The following DIS3L2 variants were observed in gnomAD, a reference collection of about 807,000 sequenced individuals.
DIS3L2 encodes DIS3 like 3'-5' exoribonuclease 2.
DIS3L2 carries 34 observed loss-of-function variants against 97.5 expected under a neutral mutation model. The observed-to-expected ratio is 0.35, with a 90% CI of 0.27 to 0.46. The LOEUF (loss-of-function observed/expected upper bound fraction) is 0.46. DIS3L2 is among the 20% of genes least tolerant of loss of function. DIS3L2 has a pLI of 1.00. For synonymous variants in DIS3L2, 435 were observed against 445.2 expected (o/e 0.98, Z 0.29); for missense variants, 1,038 against 1,146.0 (o/e 0.91, Z 1.36).
At chr2:231,990,935 A>G (rs879704792) in intron 1 of DIS3L2, among the ~76,000 whole-genome samples, 23 of 152,178 alleles carry the variant, frequency 1.5e-4, no homozygotes, top group Admixed American at 1.5e-3. Flanking sequence ...AGAGAATTTC[A>G]GAAGCGAGAG....
intron 4 of DIS3L2, among the ~76,000 whole-genome samples, chr2:232,025,420 T>G (rs1694629801): frequency 6.6e-6 from 1 of 152,158 alleles, no homozygotes; most frequent in Non-Finnish European, 1.5e-5. Context: ...ATTCTCAAGC[T>G]CAGTTTAGTC....
At chr2:232,229,467 TG>T (rs1202702597) in intron 10 of DIS3L2, among the ~76,000 whole-genome samples, 1 of 152,244 alleles carries the variant, frequency 6.6e-6, no homozygotes, top group African/African-American at 2.4e-5. Flanking sequence ...GCCTGTGCTC[TG>T]TCCCAGGCTT....
intron 9 of DIS3L2, among the ~76,000 whole-genome samples, chr2:232,183,710 G>C (rs1234191424): frequency 2.0e-5 from 3 of 152,188 alleles, no homozygotes; most frequent in Non-Finnish European, 2.9e-5. Flanking sequence ...CACCATCTCA[G>C]ATAGCTGCCA....
At chr2:232,309,877 C>T (rs1450694276) in intron 14 of DIS3L2, among the ~76,000 whole-genome samples, 1 of 152,204 alleles carries the variant, frequency 6.6e-6, no homozygotes, top group Non-Finnish European at 1.5e-5. Flanking sequence ...TTCCTGGCTG[C>T]TGCACTTGAG....
At chr2:232,285,438 G>T (rs1331806907) in intron 13 of DIS3L2, among the ~76,000 whole-genome samples, 1 of 152,230 alleles carries the variant, frequency 6.6e-6, no homozygotes, top group Non-Finnish European at 1.5e-5. Context: ...GCTCTCACCT[G>T]ATTCTTCAGC....
chr2:231,962,432 G>C (rs995973864), intron 1 of DIS3L2, among the ~76,000 whole-genome samples: 3 of 138,082 alleles, frequency 2.2e-5, no homozygotes, highest in African/African-American at 8.8e-5. Context: ...AGTGTCTACC[G>C]TTACCTTTTT....
At position 232,300,134 on chromosome 2, in the gene DIS3L2, G is replaced by A; in HGVS notation, c.1739+15G>A. ...GAGAGCAACAAGTAAGCCACTCAGT[G>A]GGAAAGAGTGTCACTTCACATGTGT... On this transcript the variant is annotated intron_variant, in intron 14 of 20. Transcript: ENST00000325385. 3 of 1,611,810 alleles carry A rather than the reference G, an allele frequency of 1.9e-6. No homozygotes were observed. The highest frequency in any genetic ancestry group is 2.5e-6 in the Non-Finnish European group (3 of 1,178,130).
At chr2:232,290,158 C>A (rs191346647) in intron 13 of DIS3L2, among the ~76,000 whole-genome samples, 2 of 152,310 alleles carry the variant, frequency 1.3e-5, no homozygotes, top group East Asian at 3.9e-4. Context: ...CCATGAAAAT[C>A]CTCAAAAATT....
At chr2:232,291,166 G>T (rs905656808) in intron 13 of DIS3L2, among the ~76,000 whole-genome samples, 1 of 152,132 alleles carries the variant, frequency 6.6e-6, no homozygotes, top group Admixed American at 6.5e-5. Context: ...CCATAGAATC[G>T]TCATTAACCA....
chr2:232,126,506 G>C (rs1193375899), intron 6 of DIS3L2, among the ~76,000 whole-genome samples: 1 of 152,184 alleles, frequency 6.6e-6, no homozygotes, highest in Non-Finnish European at 1.5e-5. Context: ...AGCGATCAAG[G>C]TCCAGCTATC....
chr2:232,323,094 G>A lies in DIS3L2; in HGVS notation c.1740-6719G>A, dbSNP rs571915004. ...TCCTCAGGACCTTGTTTCCAGTTCC[G>A]GTTGGGCAGGGGCTGGCACTGGAGA... On this transcript the variant is annotated intron_variant, in intron 14 of 20. Transcript: ENST00000325385. Among the ~76,000 whole-genome samples the A allele has an allele frequency of 2.5e-3, 378 of 152,322 alleles. 1 individual carries two copies. Among genetic ancestry groups the A allele is most frequent in the Non-Finnish European group, 4.4e-3 (299 of 68,028 alleles).
At chr2:232,134,855 T>TGGTATTGTGTGTATGTGGTAC (rs1698313855) in intron 7 of DIS3L2, among the ~76,000 whole-genome samples, 8 of 151,658 alleles carry the variant, frequency 5.3e-5, no homozygotes, top group African/African-American at 1.7e-4. Flanking sequence ...GCATGTGGTA[T>TGGTATTGTGTGTATGTGGTAC]TGGTATTGTG....
intron 6 of DIS3L2, among the ~76,000 whole-genome samples, chr2:232,116,680 G>C (rs556799458): frequency 2.0e-5 from 3 of 152,162 alleles, no homozygotes; most frequent in African/African-American, 4.8e-5. Flanking sequence ...AAACTGGGTC[G>C]TGTGGCTCTG....
chr2:232,282,855 A>T (rs2106303120), intron 13 of DIS3L2, among the ~76,000 whole-genome samples: 1 of 152,260 alleles, frequency 6.6e-6, no homozygotes, highest in African/African-American at 2.4e-5. Flanking sequence ...CCCCCTGGTG[A>T]ATCTGGCGTG....
At chr2:231,993,131 A>G (rs142197662) in intron 1 of DIS3L2, among the ~76,000 whole-genome samples, 56 of 152,294 alleles carry the variant, frequency 3.7e-4, no homozygotes, top group African/African-American at 1.3e-3. Context: ...AGCACGTCCA[A>G]TTCTTGGCTG....
intron 1 of DIS3L2, among the ~76,000 whole-genome samples, chr2:231,979,491 A>G (rs1253791041): frequency 1.3e-5 from 2 of 152,104 alleles, no homozygotes; most frequent in Non-Finnish European, 2.9e-5. Flanking sequence ...TCTTGGGCTC[A>G]AGCAGTCCAC....
chr2:232,309,414 G>A (rs1695065146), intron 14 of DIS3L2, among the ~76,000 whole-genome samples: 1 of 152,204 alleles, frequency 6.6e-6, no homozygotes, highest in African/African-American at 2.4e-5. Flanking sequence ...GGCAGAGAGA[G>A]CCTTCAGACC....
intron 6 of DIS3L2, among the ~76,000 whole-genome samples, chr2:232,118,505 C>T (rs1247941352): frequency 6.6e-6 from 1 of 152,012 alleles, no homozygotes; most frequent in Non-Finnish European, 1.5e-5. Context: ...AAACTTTTTT[C>T]TCATGTAACC....
At chr2:232,102,740 T>G (rs994652806) in intron 6 of DIS3L2, among the ~76,000 whole-genome samples, 7 of 152,192 alleles carry the variant, frequency 4.6e-5, no homozygotes, top group East Asian at 1.9e-4. Context: ...AGAGAAAAAT[T>G]GCTATGTTCT....
Sources: allele counts gnomAD v4.1 joint callset (sites outside exome capture counted in the v4.1 genomes callset), GRCh38; gene constraint gnomAD v4.1.1; transcripts MANE v1.5; gene names NCBI Gene and HGNC (gene_info 2026-07-23, HGNC 2026-07-21).